The following GPR89B variants were observed in gnomAD, a reference collection of about 807,000 sequenced individuals.
GPR89B encodes the protein G protein-coupled receptor 89B.
GPR89B carries 25 observed loss-of-function variants against 52.4 expected under a neutral mutation model. That is an observed-to-expected ratio of 0.48 (90% confidence interval 0.35 to 0.67). GPR89B has a LOEUF of 0.67. Ranked by LOEUF, GPR89B falls within the 30% of genes least tolerant of loss-of-function variation. The pLI is 0.01. For synonymous variants in GPR89B, 52 were observed against 151.2 expected, an observed-to-expected ratio of 0.34 and a Z score of 4.81; for missense variants, 146 against 450.2, an observed-to-expected ratio of 0.32 and a Z score of 6.11.
At chr1:147,932,259 C>T (rs1410054453) in intron 1 of GPR89B, among the ~76,000 whole-genome samples, 2 of 152,186 alleles carry the variant, frequency 1.3e-5, no homozygotes, top group Non-Finnish European at 2.9e-5. Context: ...GACATTTTCT[C>T]CTAATCTGTT....
chr1:148,021,402 C>T, the GPR89B span, among the ~76,000 whole-genome samples: 40 of 151,732 alleles, frequency 2.6e-4, no homozygotes, highest in Non-Finnish European at 7.4e-5. Context: ...CTCAGGAGGC[C>T]GAGGCGGGAG....
intron 9 of GPR89B, chr1:147,969,463 T>C (rs1412971134): frequency 2.1e-5 from 4 of 192,952 alleles, no homozygotes; most frequent in Non-Finnish European, 4.2e-5. Context: ...TTTAATTCTT[T>C]TTGAGGATAA....
chr1:147,933,337 C>T (rs1445202849), intron 1 of GPR89B, among the ~76,000 whole-genome samples: 2 of 152,150 alleles, frequency 1.3e-5, no homozygotes, highest in Non-Finnish European at 2.9e-5. Flanking sequence ...GCCTCTACCT[C>T]ACCATTCAAA....
downstream of GPR89B, among the ~76,000 whole-genome samples, chr1:147,995,023 T>C (rs1659281759): frequency 6.6e-6 from 1 of 152,140 alleles, no homozygotes; most frequent in African/African-American, 2.4e-5. Flanking sequence ...TCCAAATATA[T>C]AGAGAATAAT....
At chr1:148,015,819 A>G in the GPR89B span, among the ~76,000 whole-genome samples, 1 of 150,318 alleles carries the variant, frequency 6.7e-6, no homozygotes, top group Admixed American at 6.6e-5. Context: ...AGGAAGAGCA[A>G]TTACTCCATC....
At chr1:148,020,879 G>C in the GPR89B span, among the ~76,000 whole-genome samples, 3 of 151,450 alleles carry the variant, frequency 2.0e-5, no homozygotes, top group East Asian at 2.0e-4. Flanking sequence ...GTAGAGACGG[G>C]GTTTCACCAT....
intron 3 of GPR89B, among the ~76,000 whole-genome samples, chr1:147,940,847 A>G (rs1404380065): frequency 1.3e-5 from 2 of 150,074 alleles, no homozygotes; most frequent in South Asian, 4.3e-4. Context: ...CTTTTAACTT[A>G]TAGTTAATAA....
intron 5 of GPR89B, among the ~76,000 whole-genome samples, chr1:147,946,265 A>G (rs1654966656): frequency 6.6e-6 from 1 of 152,204 alleles, no homozygotes; most frequent in Non-Finnish European, 1.5e-5. Context: ...CCCTGAGGTC[A>G]GAAAACTGCA....
chr1:148,014,726 C>CT, the GPR89B span: 1 of 152,436 alleles, frequency 6.6e-6, no homozygotes. Flanking sequence ...CCCAGGCCTC[C>CT]TTTCAGCAGC....
chr1:147,970,531 C>CTCTA (rs1362918975), intron 10 of GPR89B, among the ~76,000 whole-genome samples: 4 of 141,060 alleles, frequency 2.8e-5, no homozygotes, highest in East Asian at 4.1e-4. Flanking sequence ...CTCTCTCTCT[C>CTCTA]TCTATCTCTA....
intron 2 of GPR89B, 94 bp downstream of exon 2, chr1:147,936,780 G>A: frequency 1.0e-6 from 1 of 966,362 alleles, no homozygotes; most frequent in South Asian, 1.5e-5. Context: ...TCATTTCCAA[G>A]ATAGGAAGCT....
At chr1:148,011,893 G>A in the GPR89B span, 3 of 152,274 alleles carry the variant, frequency 2.0e-5, no homozygotes, top group African/African-American at 2.4e-5. Context: ...TCCTTCGAAG[G>A]ACTGGATCTG....
the GPR89B span, among the ~76,000 whole-genome samples, chr1:148,003,528 C>T: frequency 3.3e-5 from 5 of 152,162 alleles, no homozygotes; most frequent in Non-Finnish European, 7.3e-5. Flanking sequence ...ATTTGGATTT[C>T]CCCCTACCCC....
the GPR89B span, among the ~76,000 whole-genome samples, chr1:148,002,596 G>A: frequency 1.3e-5 from 2 of 152,164 alleles, no homozygotes; most frequent in Middle Eastern, 6.8e-3. Context: ...ATTGTTAGGA[G>A]TAATTGAGAT....
At chr1:148,009,250 G>A in the GPR89B span, 31 of 1,470,824 alleles carry the variant, frequency 2.1e-5, no homozygotes, top group South Asian at 1.9e-4. Flanking sequence ...AAAGTCAGTC[G>A]AAGAAAAGTC....
rs1370191379 is a variant in GPR89B, at chr1:147,968,040, G to A, written c.728-835G>A. The A allele has an allele frequency of 6.4e-3, 2,138 of 336,424 alleles. 54 individuals are homozygous for A. Among genetic ancestry groups the A allele is most frequent in the East Asian group, 0.052 (684 of 13,042 alleles). 20.8% of individuals were successfully genotyped at this position (336,424 alleles called of 1,614,324 possible). A position where few individuals can be genotyped will look rare whatever the true frequency, so the allele number is the denominator to read the frequency against. On this transcript the variant is annotated intron_variant, in intron 8 of 13. Coordinates refer to ENST00000314163, the MANE Select transcript of GPR89B (RefSeq NM_016334.5). ...GGAGGGAGGATTTAGATTGAAGTATGTGCTTCTATTTTAGAAGGGGCTATA... is the reference window on the plus strand; with the variant it reads ...GGAGGGAGGATTTAGATTGAAGTATATGCTTCTATTTTAGAAGGGGCTATA...
chr1:148,021,686 A>C, the GPR89B span, among the ~76,000 whole-genome samples: 1 of 151,686 alleles, frequency 6.6e-6, no homozygotes, highest in African/African-American at 2.4e-5. Context: ...ATGGGCCCCC[A>C]GTGGAGAGCA....
intron 5 of GPR89B, among the ~76,000 whole-genome samples, chr1:147,947,541 T>G (rs1553250014): frequency 6.6e-6 from 1 of 151,790 alleles, no homozygotes; most frequent in Non-Finnish European, 1.5e-5. Context: ...TCATCTGACT[T>G]TCCATGTATT....
chr1:147,963,701 A>G (rs1656809766), intron 7 of GPR89B, among the ~76,000 whole-genome samples: 1 of 152,060 alleles, frequency 6.6e-6, no homozygotes, highest in Non-Finnish European at 1.5e-5. Flanking sequence ...CCAAATACTA[A>G]TAAGAATGCA....
Sources: allele counts gnomAD v4.1 joint callset (sites outside exome capture counted in the v4.1 genomes callset), GRCh38; gene constraint gnomAD v4.1.1; transcripts MANE v1.5; gene names NCBI Gene and HGNC (gene_info 2026-07-23, HGNC 2026-07-21).